SEMG2: variants seen among roughly 807,000 people sequenced by gnomAD.
SEMG2 encodes semenogelin-2.
A neutral mutation model predicts 8.1 loss-of-function variants in SEMG2; 3 were observed. The ratio of observed to expected loss-of-function variants is 0.37; its 90% confidence interval spans 0.17 to 0.96. The LOEUF is 0.96. SEMG2 is among the 40% of genes least tolerant of loss of function. The pLI is 0.41. For synonymous variants in SEMG2, 252 were observed against 231.4 expected, an observed-to-expected ratio of 1.09 and a Z score of -0.81; for missense variants, 726 against 671.2, an observed-to-expected ratio of 1.08 and a Z score of -0.90.
rs765589388 is a variant in SEMG2, at chr20:45,222,473, C to T, written c.841C>T (p.Arg281Trp). ...KNLSQDQEHG[R>W]KAHKISYPSS... is the part of the protein sequence containing the mutation. ...TCTCAGTCAAGATCAAGAGCATGGC[C>T]GGAAGGCACATAAAATATCATACCC... Residue 281 changes from arginine to tryptophan, a missense_variant, in exon 2 of 3, where the codon CGG (arginine) becomes TGG (tryptophan). Coordinates refer to ENST00000372769, the MANE Select transcript of SEMG2 (RefSeq NM_003008.3). The T allele has an allele frequency of 5.6e-6, 9 of 1,613,768 alleles. No homozygotes were observed. Among genetic ancestry groups the T allele is most frequent in the Admixed American group, 1.7e-5 (1 of 59,940 alleles).
At position 45,222,633 on chromosome 20, in the gene SEMG2, G is replaced by A. The variant is rs1984047355; in HGVS notation, c.1001G>A (p.Ser334Asn). ...TCTCAAAACCAGGTAACAATTCATA[G>A]TCAAGATCAAGAGCATGGCCATAAG... ...GKSQNQVTIH[S>N]QDQEHGHKEN... The change falls in exon 2 of 3, where the codon AGT becomes AAT. Residue 334 changes from serine (S) to asparagine (N), a missense_variant. By Grantham distance (46) the Ser-to-Asn change is conservative. Coordinates refer to ENST00000372769, the MANE Select transcript of SEMG2 (RefSeq NM_003008.3). 6.2e-7 allele frequency: 1 copy of A among 1,613,880 alleles called. No individual in the cohort carries two copies. The highest frequency in any genetic ancestry group is 8.5e-7 in the Non-Finnish European group (1 of 1,179,984).
rs1468637322 is a variant in SEMG2 at position 45,222,057 on chromosome 20, C to T, written c.425C>T (p.Pro142Leu). Residue 142 changes from proline to leucine, a missense_variant, in exon 2 of 3, where the codon CCT becomes CTT. By Grantham distance (98) the Pro-to-Leu change is moderately conservative (BLOSUM62 -3). Transcript: ENST00000372769. ...CAAGCTCATCATGGGACACAAAATC[C>T]TTCTCAAGATCAGGGGAATAGCCCA... ...GGQAHHGTQN[P>L]SQDQGNSPSG... The T allele has an allele frequency of 6.2e-7, 1 of 1,614,064 alleles. No individual in the cohort carries two copies.
In SEMG2 at chr20:45,222,050, C is replaced by A. The variant is rs761534127; in HGVS notation, c.418C>A (p.Gln140Lys). 4.3e-6 allele frequency: 7 copies of A among 1,614,062 alleles called. No individual in the cohort carries two copies. The highest frequency in any genetic ancestry group is 3.3e-5 in the South Asian group (3 of 91,050). The change falls in exon 2 of 3, where the codon CAA becomes AAA. Residue 140 changes from glutamine (Q) to lysine (K), a missense_variant. Physicochemically the swap from Gln to Lys is moderately conservative, Grantham distance 53 (BLOSUM62 1). Transcript: ENST00000372769. Reference sequence around the variant, plus strand: ...AGGAGGCCAAGCTCATCATGGGACACAAAATCCTTCTCAAGATCAGGGGAA... The same window carrying A: ...AGGAGGCCAAGCTCATCATGGGACAAAAAATCCTTCTCAAGATCAGGGGAA... ...HKGGQAHHGT[Q>K]NPSQDQGNSP...
At position 45,223,336 on chromosome 20, in the gene SEMG2, T is replaced by G. The variant is rs1293152041; in HGVS notation, c.1704T>G (p.His568Gln). 4 of 1,613,954 alleles carry G rather than the reference T, an allele frequency of 2.5e-6. No homozygotes were observed. The highest frequency in any genetic ancestry group is 1.7e-5 in the Admixed American group (1 of 60,030). Residue 568 changes from histidine (H) to glutamine (Q), a missense_variant, in exon 2 of 3, where the codon CAT becomes CAG. His to Gln is a conservative substitution (Grantham distance 24). Coordinates refer to ENST00000372769, the MANE Select transcript of SEMG2 (RefSeq NM_003008.3). ...ITEHEVAQDD[H>Q]LTQQYNEDRN... ...AGCATGAGGTTGCCCAAGATGATCA[T>G]TTGACACAACAATATAATGAAGACA... is the stretch of plus-strand genomic sequence containing the variant.
In SEMG2 at chr20:45,222,468, A is replaced by T; in HGVS notation, c.836A>T (p.His279Leu). 1 of 1,614,112 alleles carries T rather than the reference A, an allele frequency of 6.2e-7. No individual in the cohort carries two copies. Residue 279 changes from histidine (H) to leucine (L), a missense_variant, in exon 2 of 3, where the codon CAT becomes CTT. Coordinates refer to ENST00000372769, the MANE Select transcript of SEMG2 (RefSeq NM_003008.3). Reference sequence around the variant, plus strand: ...AAAAATCTCAGTCAAGATCAAGAGCATGGCCGGAAGGCACATAAAATATCA... The same window carrying T: ...AAAAATCTCAGTCAAGATCAAGAGCTTGGCCGGAAGGCACATAAAATATCA... Reference protein sequence around the residue: ...QTKNLSQDQEHGRKAHKISYP... With the variant: ...QTKNLSQDQELGRKAHKISYP...
In SEMG2 at chr20:45,222,014, A is replaced by C. The variant is rs1350173853; in HGVS notation, c.382A>C (p.Ile128Leu). 6.2e-7 allele frequency: 1 copy of C among 1,614,194 alleles called. No homozygotes were observed. The stretch of plus-strand genomic sequence containing the variant: ...AAAAGGTCATTTTCACATGATAGTT[A>C]TACATCATAAAGGAGGCCAAGCTCA... ...KSKGHFHMIVIHHKGGQAHHG... is the reference protein window; with the variant it reads ...KSKGHFHMIVLHHKGGQAHHG... Residue 128 changes from isoleucine to leucine, a missense_variant, in exon 2 of 3, where the codon ATA becomes CTA. Coordinates refer to ENST00000372769, the MANE Select transcript of SEMG2 (RefSeq NM_003008.3).
At chr20:45,221,631 TG>T (rs975477247) in intron 1 of SEMG2, 77 bp from the exon 2 acceptor site, 40 of 1,403,734 alleles carry the variant, frequency 2.8e-5, no homozygotes, top group Non-Finnish European at 3.5e-5. Flanking sequence ...AGAAATTTGT[TG>T]GGAAAAGGTG....
At chr20:45,221,499 C>T (rs773201497) in intron 1 of SEMG2, 34 bp downstream of exon 1, 1 of 1,610,032 alleles carries the variant, frequency 6.2e-7, no homozygotes, top group Admixed American at 1.7e-5. Context: ...GGGAAAGCTA[C>T]TTTAAAAAAA....
In SEMG2 at chr20:45,223,008, A is replaced by G; in HGVS notation, c.1376A>G (p.His459Arg). ...ACAATTCCTAGTCAAGATCAAGAGC[A>G]TGGCCATAAGGAAAATAAAATGTCA... ...QVTIPSQDQEHGHKENKMSYQ... is the reference protein window; with the variant it reads ...QVTIPSQDQERGHKENKMSYQ... The change falls in exon 2 of 3, where the codon CAT becomes CGT. Residue 459 changes from histidine to arginine, a missense_variant. By Grantham distance (29) the His-to-Arg change is conservative (BLOSUM62 0). Coordinates refer to ENST00000372769, the MANE Select transcript of SEMG2 (RefSeq NM_003008.3). 8.7e-6 allele frequency: 14 copies of G among 1,614,180 alleles called. No individual in the cohort carries two copies. The highest frequency in any genetic ancestry group is 1.1e-5 in the Non-Finnish European group (13 of 1,180,020).
Position 45,221,418 on chromosome 20 carries a change from C to A in SEMG2, c.29C>A (p.Ser10Tyr), listed in dbSNP as rs142457166. ...AAGTCCATCATCCTCTTTGTCCTTT[C>A]CCTGCTCCTTATCTTGGAGAAGCAA... Reference protein sequence around the residue: MKSIILFVLSLLLILEKQAA... With the variant: MKSIILFVLYLLLILEKQAA... Residue 10 changes from serine to tyrosine, a missense_variant, in exon 1 of 3, where the codon TCC (serine) becomes TAC (tyrosine). Ser to Tyr is a moderately radical substitution (Grantham distance 144). Coordinates refer to ENST00000372769, the MANE Select transcript of SEMG2 (RefSeq NM_003008.3). 8.8e-5 allele frequency: 142 copies of A among 1,613,972 alleles called. No individual in the cohort carries two copies. In the African/African-American group the frequency reaches 1.4e-3, roughly 16 times the overall value.
rs145599636 is a variant in SEMG2, at chr20:45,222,062, C to T, written c.430C>T (p.Gln144Ter). Reference sequence around the variant, plus strand: ...TCATCATGGGACACAAAATCCTTCTCAAGATCAGGGGAATAGCCCATCTGG... The same window carrying T: ...TCATCATGGGACACAAAATCCTTCTTAAGATCAGGGGAATAGCCCATCTGG... ...QAHHGTQNPS[Q>*]DQGNSPSGKG... is the part of the protein sequence containing the mutation. Residue 144 changes from glutamine to a stop codon, truncating the protein, a stop_gained, in exon 2 of 3, where the codon CAA (glutamine) becomes TAA (stop). Coordinates refer to ENST00000372769, the MANE Select transcript of SEMG2 (RefSeq NM_003008.3). LOFTEE classifies it low-confidence loss of function (END_TRUNC). 2 of 1,613,902 alleles carry T rather than the reference C, an allele frequency of 1.2e-6. No homozygotes were observed. The highest frequency in any genetic ancestry group is 1.3e-5 in the African/African-American group (1 of 74,904).
Position 45,223,271 on chromosome 20 carries a change from A to G in SEMG2, c.1639A>G (p.Lys547Glu). The stretch of plus-strand genomic sequence containing the variant: ...CAGTCATGAACAAAAAGGCAGATAC[A>G]AACAGGAATCCAGTGAGTCACATAA... ...LLSHEQKGRY[K>E]QESSESHNIV... is the part of the protein sequence containing the mutation. Residue 547 changes from lysine to glutamate, a missense_variant, in exon 2 of 3, where the codon AAA becomes GAA. By Grantham distance (56) the Lys-to-Glu change is moderately conservative. Coordinates refer to ENST00000372769, the MANE Select transcript of SEMG2 (RefSeq NM_003008.3). The G allele has an allele frequency of 1.2e-6, 2 of 1,614,210 alleles. No individual in the cohort carries two copies. The highest frequency in any genetic ancestry group is 1.7e-6 in the Non-Finnish European group (2 of 1,180,004).
In SEMG2 at chr20:45,223,376, A is replaced by G. The variant is rs1161260983; in HGVS notation, c.1744A>G (p.Thr582Ala). ...TAATGAAGACAGAAATCCAATATCT[A>G]CATAGCCCTGTTGCTTAGCAACCAC... is the stretch of plus-strand genomic sequence containing the variant. The part of the protein sequence containing the change: ...QYNEDRNPIS[T>A] The change falls in exon 2 of 3, where the codon ACA becomes GCA. Residue 582 changes from threonine (T) to alanine (A), a missense_variant. Physicochemically the swap from Thr to Ala is moderately conservative, Grantham distance 58. Coordinates refer to ENST00000372769, the MANE Select transcript of SEMG2 (RefSeq NM_003008.3). The G allele has an allele frequency of 6.2e-7, 1 of 1,604,862 alleles. No individual in the cohort carries two copies. The highest frequency in any genetic ancestry group is 8.5e-7 in the Non-Finnish European group (1 of 1,173,656).
Position 45,221,786 on chromosome 20 carries a change from A to T in SEMG2, c.154A>T (p.Lys52Ter). ...AAAGGGCCAGCACTATTTTGGACAA[A>T]AAGACCAACAACATACTAAATCCAA... is the stretch of plus-strand genomic sequence containing the variant. ...GQKGQHYFGQ[K>*]DQQHTKSKGS... Residue 52 changes from lysine to a stop codon, truncating the protein, a stop_gained, in exon 2 of 3, where the codon AAA (lysine) becomes TAA (stop). Coordinates refer to ENST00000372769, the MANE Select transcript of SEMG2 (RefSeq NM_003008.3). LOFTEE classifies it high-confidence loss of function. The T allele has an allele frequency of 6.2e-7, 1 of 1,614,160 alleles. No individual in the cohort carries two copies.
chr20:45,221,780 G>C lies in SEMG2; in HGVS notation c.148G>C (p.Gly50Arg), dbSNP rs1487171730. The change falls in exon 2 of 3, where the codon GGA becomes CGA. Residue 50 changes from glycine (G) to arginine (R), a missense_variant. By Grantham distance (125) the Gly-to-Arg change is moderately radical. Transcript: ENST00000372769. ...TGGACAAAAGGGCCAGCACTATTTT[G>C]GACAAAAAGACCAACAACATACTAA... ...PHGQKGQHYF[G>R]QKDQQHTKSK... 6.2e-6 allele frequency: 10 copies of C among 1,613,832 alleles called. No homozygotes were observed. The highest frequency in any genetic ancestry group is 7.6e-6 in the Non-Finnish European group (9 of 1,179,998).
rs111412692 is a variant in SEMG2, at chr20:45,221,734, C to T, written c.102C>T (p.Ser34=). The T allele has an allele frequency of 5.4e-4, 867 of 1,609,302 alleles. 4 individuals are homozygous for T. In the African/African-American group the frequency reaches 9.6e-3, roughly 18 times the overall value. Residue 34 remains serine (S), a synonymous_variant, in exon 2 of 3, where the codon AGC becomes AGT. Coordinates refer to ENST00000372769, the MANE Select transcript of SEMG2 (RefSeq NM_003008.3). ...QKGGSKGQLP[S]GSSQFPHGQK... The stretch of plus-strand genomic sequence containing the variant: ...GTGGATCAAAAGGCCAATTGCCAAG[C>T]GGATCTTCCCAATTTCCACATGGAC...
Position 45,222,796 on chromosome 20 carries a change from C to T in SEMG2, c.1164C>T (p.Asn388=), listed in dbSNP as rs1461075855. 1 of 1,613,944 alleles carries T rather than the reference C, an allele frequency of 6.2e-7. No individual in the cohort carries two copies. Among genetic ancestry groups the T allele is most frequent in the African/African-American group, 1.3e-5 (1 of 74,892 alleles). Residue 388 remains asparagine, a synonymous_variant, in exon 2 of 3, where the codon AAC becomes AAT. Transcript: ENST00000372769. ...TEEQIHGKSQ[N]QVRIPSQAQE... Reference sequence around the variant, plus strand: ...AGCAAATACATGGCAAGTCTCAAAACCAGGTAAGAATTCCTAGTCAAGCTC... The same window carrying T: ...AGCAAATACATGGCAAGTCTCAAAATCAGGTAAGAATTCCTAGTCAAGCTC...
Position 45,222,089 on chromosome 20 carries a change from A to G in SEMG2, c.457A>G (p.Lys153Glu). The stretch of plus-strand genomic sequence containing the variant: ...AGATCAGGGGAATAGCCCATCTGGA[A>G]AGGGATTATCCAGTCAATGTTCAAA... ...SQDQGNSPSG[K>E]GLSSQCSNTE... is the part of the protein sequence containing the mutation. Residue 153 changes from lysine to glutamate, a missense_variant, in exon 2 of 3, where the codon AAG (lysine) becomes GAG (glutamate). Lys to Glu is a moderately conservative substitution (Grantham distance 56, BLOSUM62 1). Coordinates refer to ENST00000372769, the MANE Select transcript of SEMG2 (RefSeq NM_003008.3). 1 of 1,613,978 alleles carries G rather than the reference A, an allele frequency of 6.2e-7. No homozygotes were observed. Among genetic ancestry groups the G allele is most frequent in the Non-Finnish European group, 8.5e-7 (1 of 1,179,972 alleles).
chr20:45,224,247 C>G (rs1367855104), intron 2 of SEMG2, 44 bp from the exon 3 acceptor site: 1 of 152,500 alleles, frequency 6.6e-6, no homozygotes, highest in African/African-American at 2.4e-5. Context: ...CTCACCCCCA[C>G]TCTCCACTAT....
Sources: allele counts gnomAD v4.1 joint callset, GRCh38; gene constraint gnomAD v4.1.1; transcripts MANE v1.5; gene names NCBI Gene and HGNC (gene_info 2026-07-23, HGNC 2026-07-21).